GOLGA3: variants seen among roughly 807,000 people sequenced by gnomAD.
GOLGA3 encodes golgin A3, also known as golgin subfamily A member 3.
A neutral mutation model predicts 169.4 loss-of-function variants in GOLGA3; 75 were observed. The observed-to-expected ratio is 0.44, with a 90% CI of 0.37 to 0.54. The LOEUF (loss-of-function observed/expected upper bound fraction) is 0.54, where lower values mean the gene tolerates loss of function less well. GOLGA3 is among the 20% of genes least tolerant of loss of function. GOLGA3 has a pLI of 0.00. For synonymous variants in GOLGA3, 824 were observed against 822.4 expected (o/e 1.00, Z -0.03); for missense variants, 1,899 against 1,930.0 (o/e 0.98, Z 0.30).
At chr12:132,802,367 CGGGGGTGCAGGGGGCAT>C (rs1212863590) in intron 7 of GOLGA3, among the ~76,000 whole-genome samples, 1 of 91,766 alleles carries the variant, frequency 1.1e-5, no homozygotes, top group Non-Finnish European at 2.0e-5. Flanking sequence ...TGGCCGGACA[CGGGGGTGCAGGGGGCAT>C]GGGGGGTGCA....
chr12:132,777,893 G>A lies in GOLGA3; in HGVS notation c.3583-88C>T, dbSNP rs567841322. On this transcript the variant is annotated intron_variant, in intron 18 of 23. Coordinates refer to ENST00000450791, the MANE Select transcript of GOLGA3 (RefSeq NM_001389683.1). This position sits in a 1 kb window ranked among gnomAD's most constrained non-coding sequence, Gnocchi z 4.7. ...GGGCGCAGGGGGTGAATGCACTCCC[G>A]GCCCCGTGCATGTCCTGGCTGCCGG... The A allele has an allele frequency of 7.6e-4, 1,070 of 1,412,394 alleles. 2 individuals carry two copies. Among genetic ancestry groups the A allele is most frequent in the Admixed American group, 3.2e-3 (160 of 49,746 alleles). The allele number at this position is 1,412,394 out of a possible 1,614,324, so 87.5% of individuals were successfully genotyped here.
rs2046217455 is a variant in GOLGA3 at position 132,791,279 on chromosome 12, C to A, written c.2484G>T (p.Gln828His). The change falls in exon 12 of 24, where the codon CAG becomes CAT. Residue 828 changes from glutamine to histidine, a missense_variant. Transcript: ENST00000450791. ...AIKSGQVEHL[Q>H]QETAALKKQM... ...GCTTTTTCAGAGCAGCAGTCTCCTG[C>A]TGCAGGTGTTCCACCTGTGGGAGAC... 1.2e-6 allele frequency: 2 copies of A among 1,602,576 alleles called. No individual in the cohort carries two copies. The highest frequency in any genetic ancestry group is 2.7e-5 in the African/African-American group (2 of 74,708).
At chr12:132,788,945 C>G (rs1255652521) in intron 13 of GOLGA3, 82 bp downstream of exon 13, 5 of 1,254,046 alleles carry the variant, frequency 4.0e-6, no homozygotes, top group Non-Finnish European at 5.4e-6. Context: ...ACAGGCCCCG[C>G]CCCAGACACA....
intron 8 of GOLGA3, among the ~76,000 whole-genome samples, chr12:132,801,227 C>T (rs1382870004): frequency 6.6e-6 from 1 of 152,218 alleles, no homozygotes; most frequent in Non-Finnish European, 1.5e-5. Context: ...AGTTTTCCAA[C>T]AGGACGTAGA....
rs201384496 is a variant in GOLGA3, at chr12:132,788,986, G to C, written c.2811+41C>G. Reference sequence around the variant, plus strand: ...CACCCTCCCGACAAGCACTTTGGCCGAATCCTCCCCATCAAATGAGTCAAC... The same window carrying C: ...CACCCTCCCGACAAGCACTTTGGCCCAATCCTCCCCATCAAATGAGTCAAC... On this transcript the variant is annotated intron_variant, in intron 13 of 23. Transcript: ENST00000450791. 7.3e-4 allele frequency: 495 copies of C among 676,060 alleles called. 2 individuals carry two copies. The highest frequency in any genetic ancestry group is 6.5e-3 in the Middle Eastern group (19 of 2,936). The allele number at this position is 676,060 out of a possible 1,614,324, so 41.9% of individuals were successfully genotyped here.
At chr12:132,792,588 G>A (rs1344206333) in intron 11 of GOLGA3, among the ~76,000 whole-genome samples, 1 of 151,540 alleles carries the variant, frequency 6.6e-6, no homozygotes, top group African/African-American at 2.4e-5. Context: ...GCACTCAGAG[G>A]GCTCCACACA....
chr12:132,784,367 C>A (rs1593254444), intron 15 of GOLGA3, 60 bp from the exon 16 acceptor site: 1 of 1,455,366 alleles, frequency 6.9e-7, no homozygotes, highest in Non-Finnish European at 9.4e-7. Context: ...CCCCTCACTT[C>A]CTGTGGTGCC....
chr12:132,812,212 C>CACACACACACATAT (rs1481853600), intron 4 of GOLGA3, among the ~76,000 whole-genome samples: 2 of 116,322 alleles, frequency 1.7e-5, no homozygotes, highest in South Asian at 2.9e-4. Flanking sequence ...CACACACACA[C>CACACACACACATAT]ATATATATAT....
chr12:132,823,588 C>G (rs553570028), intron 1 of GOLGA3, among the ~76,000 whole-genome samples: 2 of 152,190 alleles, frequency 1.3e-5, no homozygotes, highest in African/African-American at 4.8e-5. Flanking sequence ...GAGTTTGAGA[C>G]CAGCCTGGCC....
In GOLGA3 at chr12:132,808,104, C is replaced by A; in HGVS notation, c.965G>T (p.Ser322Ile). Residue 322 changes from serine to isoleucine, a missense_variant, in exon 5 of 24, where the codon AGC (serine) becomes ATC (isoleucine). By Grantham distance (142) the Ser-to-Ile change is moderately radical. Coordinates refer to ENST00000450791, the MANE Select transcript of GOLGA3 (RefSeq NM_001389683.1). ...GCCATAGGTCCCTCGGGTGGAGGCG[C>A]TGCTGTACGATGAGCTGTCGCTGTC... ...GNDSDSSSYSSASTRGTYGIL... is the reference protein window; with the variant it reads ...GNDSDSSSYSIASTRGTYGIL... The A allele has an allele frequency of 6.2e-7, 1 of 1,600,556 alleles. No individual in the cohort carries two copies. The highest frequency in any genetic ancestry group is 8.5e-7 in the Non-Finnish European group (1 of 1,172,046).
intron 12 of GOLGA3, among the ~76,000 whole-genome samples, chr12:132,790,888 C>CA (rs372157551): frequency 6.6e-5 from 10 of 151,080 alleles, no homozygotes; most frequent in Middle Eastern, 6.8e-3. Flanking sequence ...TCTCAAAATA[C>CA]AAAAAACAAA....
intron 2 of GOLGA3, among the ~76,000 whole-genome samples, chr12:132,817,982 A>T (rs531890458): frequency 3.4e-4 from 10 of 29,768 alleles, no homozygotes; most frequent in Admixed American, 4.2e-4. Context: ...CCCCCCCCAC[A>T]CCTCCACACT....
chr12:132,797,712 CAA>C (rs1010478062), intron 9 of GOLGA3, among the ~76,000 whole-genome samples: 4 of 141,510 alleles, frequency 2.8e-5, no homozygotes, highest in Admixed American at 1.4e-4. Context: ...AATTCCACCT[CAA>C]AAAAAAAAAA....
intron 21 of GOLGA3, among the ~76,000 whole-genome samples, chr12:132,776,398 C>T (rs7303142): frequency 0.063 from 7,539 of 118,890 alleles, 233 homozygotes; most frequent in East Asian, 0.086. Context: ...CACAGGTACC[C>T]GCAGCAGCTG....
intron 8 of GOLGA3, among the ~76,000 whole-genome samples, chr12:132,800,679 G>C (rs1027733798): frequency 6.6e-6 from 1 of 151,846 alleles, no homozygotes; most frequent in African/African-American, 2.4e-5. Flanking sequence ...AAAAATAACA[G>C]GCCAGGTGCG....
intron 8 of GOLGA3, among the ~76,000 whole-genome samples, chr12:132,799,540 T>G (rs914976810): frequency 6.6e-6 from 1 of 152,138 alleles, no homozygotes; most frequent in Non-Finnish European, 1.5e-5. Flanking sequence ...CTTGGGGGGC[T>G]GAGGCAGGAG....
At position 132,822,114 on chromosome 12, in the gene GOLGA3, C is replaced by T. The variant is rs149388493; in HGVS notation, c.15G>A (p.Ser5=). 8.6e-5 allele frequency: 138 copies of T among 1,605,860 alleles called. No homozygotes were observed. Among genetic ancestry groups the T allele is most frequent in the African/African-American group, 8.5e-4 (63 of 74,268 alleles). The change falls in exon 2 of 24, where the codon TCG becomes TCA. Residue 5 remains serine, a synonymous_variant. Coordinates refer to ENST00000450791, the MANE Select transcript of GOLGA3 (RefSeq NM_001389683.1). ...CCTCCTGGAGGCCATCTTGCTCGGC[C>T]GACGCGCCGTCCATGGTCAGGACGA... is the stretch of plus-strand genomic sequence containing the variant. The part of the protein sequence containing the change: MDGA[S]AEQDGLQEDR...
chr12:132,776,338 C>T (rs2045236632), intron 21 of GOLGA3, among the ~76,000 whole-genome samples: 1 of 121,286 alleles, frequency 8.2e-6, no homozygotes, highest in South Asian at 2.8e-4. Flanking sequence ...GCTGCTGTAG[C>T]CCCTCCAGCT....
chr12:132,774,214 G>A lies in GOLGA3; in HGVS notation c.4250C>T (p.Pro1417Leu), dbSNP rs141934337. 1.6e-5 allele frequency: 25 copies of A among 1,611,018 alleles called. No homozygotes were observed. The highest frequency in any genetic ancestry group is 2.7e-5 in the African/African-American group (2 of 75,028). The change falls in exon 23 of 24, where the codon CCG (proline) becomes CTG (leucine). Residue 1417 changes from proline to leucine, a missense_variant. Physicochemically the swap from Pro to Leu is moderately conservative, Grantham distance 98 (BLOSUM62 -3). Transcript: ENST00000450791. Reference sequence around the variant, plus strand: ...GAGGGGCTCCTTGCTCACGGCGGGCGGTGGTCTCAGCAGCTCCTCCAGCAG... The same window carrying A: ...GAGGGGCTCCTTGCTCACGGCGGGCAGTGGTCTCAGCAGCTCCTCCAGCAG... ...ASLLEELLRP[P>L]PAVSKEPLKN...
Sources: gnomAD v4.1 joint callset for allele counts (sites outside exome capture counted in the v4.1 genomes callset) on GRCh38, gnomAD v4.1.1 for gene constraint, Gnocchi (gnomAD v3.1) non-coding constraint, MANE v1.5 for transcripts, NCBI Gene and HGNC (gene_info 2026-07-23, HGNC 2026-07-21) for gene names.